The following PRKCB variants were observed in gnomAD, a reference collection of about 807,000 sequenced individuals.
PRKCB encodes protein kinase C beta.
Under a neutral mutation model 81.5 loss-of-function variants are expected in PRKCB, and 13 were observed. The observed-to-expected ratio is 0.16, with a 90% CI of 0.10 to 0.25. PRKCB has a LOEUF of 0.25. Among genes scored for constraint, PRKCB ranks in the 10% least tolerant of loss-of-function variants. The pLI is 1.00. For missense variants in PRKCB, 509 were observed against 875.7 expected (o/e 0.58, Z 5.29); for synonymous variants, 335 against 321.4 (o/e 1.04, Z -0.45).
At chr16:24,039,508 G>A (rs1158321188) in intron 5 of PRKCB, among the ~76,000 whole-genome samples, 1 of 152,238 alleles carries the variant, frequency 6.6e-6, no homozygotes, top group Non-Finnish European at 1.5e-5. Context: ...GGGATTACAG[G>A]CGTGAGCCAC....
chr16:23,898,065 T>A (rs1473831504), intron 2 of PRKCB, among the ~76,000 whole-genome samples: 1 of 127,308 alleles, frequency 7.9e-6, no homozygotes, highest in Non-Finnish European at 1.7e-5. Flanking sequence ...CATGCCCGGC[T>A]AATTTTTTTT....
At chr16:24,050,757 C>T (rs1965831623) in intron 5 of PRKCB, among the ~76,000 whole-genome samples, 1 of 152,220 alleles carries the variant, frequency 6.6e-6, no homozygotes, top group Non-Finnish European at 1.5e-5. Flanking sequence ...TTGAAAAACA[C>T]TGTCCTAGAC....
At chr16:23,920,951 C>G (rs1963815880) in intron 2 of PRKCB, among the ~76,000 whole-genome samples, 1 of 152,156 alleles carries the variant, frequency 6.6e-6, no homozygotes, top group Admixed American at 6.5e-5. Context: ...GCCTCACGAT[C>G]ATGGCAGAAG....
In PRKCB at chr16:24,032,335, C is replaced by T. The variant is rs183544948; in HGVS notation, c.400+88C>T. ...CACTTGGTTTGGGGTCCAGGTCTGC[C>T]ATACATTCCCCCCTGTCCTCGTTGG... is the stretch of plus-strand genomic sequence containing the variant. On this transcript the variant is annotated intron_variant, in intron 4 of 16. Transcript: ENST00000643927. 3.7e-3 allele frequency: 3,155 copies of T among 860,026 alleles called. 11 individuals carry two copies. The highest frequency in any genetic ancestry group is 4.7e-3 in the Non-Finnish European group (2,531 of 537,476). 53.3% of individuals were successfully genotyped at this position (860,026 alleles called of 1,614,324 possible).
intron 3 of PRKCB, among the ~76,000 whole-genome samples, chr16:24,027,676 G>C (rs1370576004): frequency 1.3e-5 from 2 of 152,200 alleles, no homozygotes; most frequent in African/African-American, 4.8e-5. Flanking sequence ...AAACTTTGTA[G>C]CTCATTAACA....
At chr16:23,973,375 A>T (rs988112521) in intron 2 of PRKCB, among the ~76,000 whole-genome samples, 3 of 151,858 alleles carry the variant, frequency 2.0e-5, no homozygotes, top group Non-Finnish European at 4.4e-5. Context: ...AGAGATGGGG[A>T]TTTCACCATG....
At chr16:23,968,309 A>G (rs1964514086) in intron 2 of PRKCB, among the ~76,000 whole-genome samples, 1 of 152,242 alleles carries the variant, frequency 6.6e-6, no homozygotes, top group Admixed American at 6.5e-5. Context: ...AGGACTATTT[A>G]GGGAGACTTG....
chr16:24,041,617 C>T (rs1452822800), intron 5 of PRKCB, among the ~76,000 whole-genome samples: 1 of 151,912 alleles, frequency 6.6e-6, no homozygotes, highest in Non-Finnish European at 1.5e-5. Context: ...ACTGAAACAT[C>T]TCCCTGACAG....
At chr16:23,869,101 T>C (rs1295698093) in intron 2 of PRKCB, 1 of 453,702 alleles carries the variant, frequency 2.2e-6, no homozygotes, top group African/African-American at 2.0e-5. Context: ...GTGACATACA[T>C]GTCTACTTGC....
At chr16:24,118,635 C>G (rs1402073858) in intron 8 of PRKCB, among the ~76,000 whole-genome samples, 1 of 152,192 alleles carries the variant, frequency 6.6e-6, no homozygotes, top group African/African-American at 2.4e-5. Context: ...CTCGTGCTGT[C>G]TGGAAGGTGG....
intron 3 of PRKCB, among the ~76,000 whole-genome samples, chr16:24,025,771 G>A (rs1412603642): frequency 1.3e-5 from 2 of 152,230 alleles, no homozygotes; most frequent in East Asian, 3.8e-4. Context: ...AGCCGCACAT[G>A]AAGATGAGGT....
In PRKCB at chr16:24,058,323, C is replaced by A. The variant is rs896536711; in HGVS notation, c.529+22776C>A. Among the ~76,000 whole-genome samples, 8 of 152,100 alleles carry A rather than the reference C, an allele frequency of 5.3e-5. No individual in the cohort carries two copies. In the East Asian group the frequency reaches 1.2e-3, roughly 22 times the overall value. ...CTCTCCACTGGATGGAGAGCAAGAACCTTCCTTATTTTTTATGCCACTTTG... is the reference window on the plus strand; with the variant it reads ...CTCTCCACTGGATGGAGAGCAAGAAACTTCCTTATTTTTTATGCCACTTTG... On this transcript the variant is annotated intron_variant, in intron 5 of 16. Transcript: ENST00000643927.
At chr16:24,137,948 A>G (rs111786138) in intron 9 of PRKCB, among the ~76,000 whole-genome samples, 2,722 of 152,290 alleles carry the variant, frequency 0.018, 87 homozygotes, top group African/African-American at 0.062. Flanking sequence ...GCGGAGATTG[A>G]TAACATTTTT....
intron 2 of PRKCB, among the ~76,000 whole-genome samples, 187 bp from the exon 3 acceptor site, chr16:23,988,321 C>T (rs754584413): frequency 1.3e-5 from 2 of 152,182 alleles, no homozygotes; most frequent in Non-Finnish European, 2.9e-5. Context: ...GATGAAGCAT[C>T]TATGTTCCCA....
chr16:23,862,387 C>T (rs1962684189), intron 2 of PRKCB, among the ~76,000 whole-genome samples: 1 of 152,152 alleles, frequency 6.6e-6, no homozygotes, highest in Non-Finnish European at 1.5e-5. Flanking sequence ...TATGGAATTC[C>T]TTCCTCACTT....
intron 3 of PRKCB, among the ~76,000 whole-genome samples, chr16:24,022,596 A>T (rs1166033644): frequency 6.6e-6 from 1 of 152,016 alleles, no homozygotes; most frequent in Non-Finnish European, 1.5e-5. Context: ...GGTTCATGCC[A>T]TTATCCTGCC....
intron 9 of PRKCB, among the ~76,000 whole-genome samples, chr16:24,148,931 G>A (rs1967033704): frequency 6.6e-6 from 1 of 152,178 alleles, no homozygotes; most frequent in South Asian, 2.1e-4. Flanking sequence ...TATGTAGCAA[G>A]TCATTCCAAA....
intron 2 of PRKCB, among the ~76,000 whole-genome samples, chr16:23,928,151 G>A (rs1032550533): frequency 1.3e-5 from 2 of 151,940 alleles, no homozygotes; most frequent in African/African-American, 4.8e-5. Context: ...TTGAGATGGT[G>A]TTTCACTCTT....
intron 2 of PRKCB, among the ~76,000 whole-genome samples, chr16:23,856,448 T>A (rs1283912816): frequency 2.0e-5 from 3 of 151,934 alleles, no homozygotes; most frequent in Non-Finnish European, 4.4e-5. Flanking sequence ...ATATAATAGG[T>A]CAAGAATACC....
Sources: gnomAD v4.1 joint callset for allele counts (sites outside exome capture counted in the v4.1 genomes callset) on GRCh38, gnomAD v4.1.1 for gene constraint, MANE v1.5 for transcripts, NCBI Gene and HGNC (gene_info 2026-07-23, HGNC 2026-07-21) for gene names.